The following HECW2 variants were observed in gnomAD, a reference collection of about 807,000 sequenced individuals.
The protein encoded by HECW2 is E3 ubiquitin-protein ligase HECW2.
In HECW2, 61 loss-of-function variants were observed where a neutral mutation model predicts 175.2. The ratio of observed to expected loss-of-function variants is 0.35; its 90% CI spans 0.28 to 0.43. The LOEUF is 0.43. Ranked by LOEUF, HECW2 falls within the 20% of genes least tolerant of loss-of-function variation. HECW2 has a pLI of 1.00. For synonymous variants in HECW2, 671 were observed against 731.0 expected (o/e 0.92, Z 1.32); for missense variants, 1,524 against 2,000.5 (o/e 0.76, Z 4.54).
At position 196,201,119 on chromosome 2, in the gene HECW2, A is replaced by G. The variant is rs560148338; in HGVS notation, c.*158T>C. The stretch of plus-strand genomic sequence containing the variant: ...AATCCTTCCAAGAGGACTCATCTCC[A>G]GTCCCCAAATGTGACAGAGCACTTG... On this transcript the variant is annotated 3_prime_UTR_variant, in exon 29 of 29. Coordinates refer to ENST00000644978, the MANE Select transcript of HECW2 (RefSeq NM_001348768.2). The G allele has an allele frequency of 6.6e-6, 4 of 603,468 alleles. No homozygotes were observed. Among genetic ancestry groups the G allele is most frequent in the Non-Finnish European group, 1.2e-5 (4 of 330,082 alleles). 37.4% of individuals were successfully genotyped at this position (603,468 alleles called of 1,614,324 possible). A position where few individuals can be genotyped will look rare whatever the true frequency, so the allele number is the denominator to read the frequency against.
intron 16 of HECW2, among the ~76,000 whole-genome samples, chr2:196,272,722 T>A (rs1203032471): frequency 6.6e-6 from 1 of 152,170 alleles, no homozygotes; most frequent in Non-Finnish European, 1.5e-5. Context: ...TCAACTCAAA[T>A]GTTCCCTAAG....
intron 1 of HECW2, among the ~76,000 whole-genome samples, chr2:196,583,327 T>C (rs1198361235): frequency 6.6e-6 from 1 of 152,226 alleles, no homozygotes; most frequent in African/African-American, 2.4e-5. Context: ...CACAGACTGA[T>C]GAAATCTTCA....
At chr2:196,522,444 T>C (rs991843343) in intron 1 of HECW2, among the ~76,000 whole-genome samples, 87 of 152,286 alleles carry the variant, frequency 5.7e-4, no homozygotes, top group African/African-American at 2.0e-3. Context: ...TTCACTCTGA[T>C]GGTAGTTTCT....
chr2:196,519,059 CTAA>C (rs1377541924), intron 1 of HECW2, among the ~76,000 whole-genome samples: 1 of 152,192 alleles, frequency 6.6e-6, no homozygotes, highest in African/African-American at 2.4e-5. Context: ...ACATTTAATA[CTAA>C]TAATAGCTAG....
chr2:196,241,991 T>G (rs1688474381), intron 20 of HECW2, 93 bp downstream of exon 20: 1 of 1,175,318 alleles, frequency 8.5e-7, no homozygotes, highest in African/African-American at 1.5e-5. Flanking sequence ...TGAAGGCTAG[T>G]CATCCCAAAT....
chr2:196,361,989 C>T, intron 2 of HECW2: 1 of 985,376 alleles, frequency 1.0e-6, no homozygotes. Flanking sequence ...TCTAAGGTGG[C>T]TGTGAAAGCT....
intron 2 of HECW2, among the ~76,000 whole-genome samples, chr2:196,424,597 T>C (rs1329942890): frequency 2.0e-5 from 3 of 152,094 alleles, no homozygotes; most frequent in African/African-American, 7.2e-5. Flanking sequence ...GAGAAAATTA[T>C]AGGAGTCTGG....
At chr2:196,316,397 C>A (rs1362780742) in intron 10 of HECW2, 1 of 152,112 alleles carries the variant, frequency 6.6e-6, no homozygotes. Flanking sequence ...ACAGAGGAAC[C>A]AAAGCATCAG....
At chr2:196,491,335 C>A in intron 1 of HECW2, among the ~76,000 whole-genome samples, 1 of 150,320 alleles carries the variant, frequency 6.7e-6, no homozygotes, top group South Asian at 2.1e-4. Context: ...CGGTGAAACC[C>A]CATGTCTAAA....
chr2:196,586,761 A>C (rs1461573180), intron 1 of HECW2: 4 of 152,078 alleles, frequency 2.6e-5, no homozygotes, highest in Non-Finnish European at 4.4e-5. Context: ...AAACAAAAAA[A>C]AACTCTTCCT....
chr2:196,314,305 C>T (rs957080774), intron 10 of HECW2, among the ~76,000 whole-genome samples: 6 of 152,162 alleles, frequency 3.9e-5, no homozygotes, highest in Non-Finnish European at 5.9e-5. Context: ...CAAAGCACTG[C>T]AATATATTGA....
chr2:196,462,277 G>C (rs1457318577), intron 1 of HECW2, among the ~76,000 whole-genome samples: 1 of 152,072 alleles, frequency 6.6e-6, no homozygotes, highest in South Asian at 2.1e-4. Context: ...GGGAAAATGG[G>C]AAAGGGGAAA....
Position 196,325,103 on chromosome 2 carries a change from G to T in HECW2, c.618C>A (p.Asp206Glu). 1.9e-6 allele frequency: 3 copies of T among 1,611,670 alleles called. No individual in the cohort carries two copies. The highest frequency in any genetic ancestry group is 2.5e-6 in the Non-Finnish European group (3 of 1,179,144). Residue 206 changes from aspartate to glutamate, a missense_variant, in exon 6 of 29, where the codon GAC becomes GAA. Physicochemically the swap from Asp to Glu is conservative, Grantham distance 45 (BLOSUM62 2). This residue lies in a region of HECW2 where 95 missense variants were observed against 136.8 expected (regional missense o/e 0.69). Transcript: ENST00000644978. ...GLKKGMFFNPDPYLKMSIQPG... is the reference protein window; with the variant it reads ...GLKKGMFFNPEPYLKMSIQPG... ...GCTGAATTGACATCTTAAGATAAGGGTCAGGATTGAAGAACATCCCTTTCT... is the reference window on the plus strand; with the variant it reads ...GCTGAATTGACATCTTAAGATAAGGTTCAGGATTGAAGAACATCCCTTTCT...
At chr2:196,274,197 G>A in intron 15 of HECW2, 74 bp from the exon 16 acceptor site, 2 of 1,050,922 alleles carry the variant, frequency 1.9e-6, no homozygotes, top group Non-Finnish European at 2.9e-6. Context: ...AAACCAAGTT[G>A]TTCAAAATAT....
At chr2:196,330,886 G>C (rs551804054) in intron 4 of HECW2, among the ~76,000 whole-genome samples, 1 of 151,930 alleles carries the variant, frequency 6.6e-6, no homozygotes, top group Non-Finnish European at 1.5e-5. Context: ...GCAATAGTTC[G>C]TGATTTGAAT....
In HECW2 at chr2:196,433,204, G is replaced by T; in HGVS notation, c.220C>A (p.Gln74Lys). Residue 74 changes from glutamine (Q) to lysine (K), a missense_variant, in exon 2 of 29, where the codon CAG (glutamine) becomes AAG (lysine). Gln to Lys is a moderately conservative substitution (Grantham distance 53, BLOSUM62 1). This residue lies in a region of HECW2 where 135 missense variants were observed against 214.6 expected (regional missense o/e 0.63). Coordinates refer to ENST00000644978, the MANE Select transcript of HECW2 (RefSeq NM_001348768.2). ...ATGTCCCAGAAGATAATGAGGTTCT[G>T]GGCTTGCCCCAGCGTGTACTCGTAC... The part of the protein sequence containing the change: ...SMYEYTLGQA[Q>K]NLIIFWDIKE... 6.2e-7 allele frequency: 1 copy of T among 1,614,164 alleles called. No homozygotes were observed. Among genetic ancestry groups the T allele is most frequent in the Non-Finnish European group, 8.5e-7 (1 of 1,180,016 alleles).
intron 18 of HECW2, among the ~76,000 whole-genome samples, chr2:196,257,138 A>T (rs1447099495): frequency 1.3e-5 from 2 of 152,254 alleles, no homozygotes; most frequent in Non-Finnish European, 2.9e-5. Flanking sequence ...ACCACTGGGT[A>T]GAGCAAAGCA....
At chr2:196,301,391 C>T (rs1408143862) in intron 13 of HECW2, among the ~76,000 whole-genome samples, 3 of 152,084 alleles carry the variant, frequency 2.0e-5, no homozygotes, top group South Asian at 2.1e-4. Context: ...AGTTATATAA[C>T]CAGTGATGGG....
At chr2:196,229,136 T>C (rs1458797049) in intron 21 of HECW2, among the ~76,000 whole-genome samples, 1 of 152,136 alleles carries the variant, frequency 6.6e-6, no homozygotes, top group Admixed American at 6.5e-5. Context: ...ATAAAAAGTA[T>C]ACACGTGGGC....
Sources: gnomAD v4.1 joint callset for allele counts (sites outside exome capture counted in the v4.1 genomes callset) on GRCh38, gnomAD v4.1.1 for gene constraint, gnomAD v4.1.1 regional missense constraint, MANE v1.5 for transcripts, NCBI Gene and HGNC (gene_info 2026-07-23, HGNC 2026-07-21) for gene names.